NEB: variants seen among roughly 807,000 people sequenced by gnomAD.
NEB encodes the protein nemaline myopathy type 2.
NEB carries 512 observed loss-of-function variants against 952.2 expected under a neutral mutation model. The ratio of observed to expected loss-of-function variants is 0.54; its 90% CI spans 0.50 to 0.58. The LOEUF (loss-of-function observed/expected upper bound fraction) is 0.58. Among genes scored for constraint, NEB ranks in the 20% least tolerant of loss-of-function variants. The pLI is 0.00. For synonymous variants in NEB, 2,900 were observed against 3,149.8 expected (o/e 0.92, Z 2.66); for missense variants, 8,428 against 9,231.1 (o/e 0.91, Z 3.56).
rs528974814 is a variant in NEB, at chr2:151,618,317, C to T, written c.11034G>A (p.Pro3678=). The change falls in exon 74 of 182, where the codon CCG becomes CCA. Residue 3678 remains proline (P), a synonymous_variant. Transcript: ENST00000397345. Reference sequence around the variant, plus strand: ...CATTGTTTTTTGCCAGCACCTGCTCCGGAGTGTCCGTTATACTGGTAAATT... The same window carrying T: ...CATTGTTTTTTGCCAGCACCTGCTCTGGAGTGTCCGTTATACTGGTAAATT... ...TLKFTSITDT[P]EQVLAKNNAL... is the part of the protein sequence containing the mutation. The T allele has an allele frequency of 7.4e-5, 119 of 1,613,798 alleles. No homozygotes were observed. The highest frequency in any genetic ancestry group is 9.6e-5 in the Non-Finnish European group (113 of 1,179,858).
chr2:151,692,589 T>C (rs1339768932), intron 20 of NEB: 2 of 557,574 alleles, frequency 3.6e-6, no homozygotes, highest in East Asian at 6.5e-5. Flanking sequence ...TTTCCTAATA[T>C]TTTTTCAGAC....
intron 48 of NEB, among the ~76,000 whole-genome samples, chr2:151,657,144 G>T (rs2099094159): frequency 6.6e-6 from 1 of 152,150 alleles, no homozygotes; most frequent in South Asian, 2.1e-4. Flanking sequence ...GGGGGTAGAA[G>T]CTAGTAGAGC....
chr2:151,595,304 G>T (rs1339968488), intron 92 of NEB, among the ~76,000 whole-genome samples: 3 of 150,018 alleles, frequency 2.0e-5, no homozygotes, highest in Non-Finnish European at 4.5e-5. Flanking sequence ...AGGCTGGAAC[G>T]CAATGGCATG....
intron 47 of NEB, 132 bp downstream of exon 47, chr2:151,658,933 G>A: frequency 1.3e-6 from 1 of 791,192 alleles, no homozygotes; most frequent in Non-Finnish European, 2.2e-6. Flanking sequence ...ATTAGAAAGA[G>A]TCTCATGTGT....
intron 161 of NEB, among the ~76,000 whole-genome samples, chr2:151,509,285 A>G (rs1229565160): frequency 1.3e-5 from 2 of 151,970 alleles, no homozygotes; most frequent in African/African-American, 4.8e-5. Flanking sequence ...TTTGTTCATG[A>G]AAAAGTCACC....
Position 151,675,350 on chromosome 2 carries a change from G to A in NEB, c.3816C>T (p.Tyr1272=), listed in dbSNP as rs765183358. The part of the protein sequence containing the change: ...KAKGEDVKHK[Y]TMSPDLPQFL... ...ACTGAGGAAGATCAGGACTCATGGTGTATTTATGTTTCACATCTTCTCCTT... is the reference window on the plus strand; with the variant it reads ...ACTGAGGAAGATCAGGACTCATGGTATATTTATGTTTCACATCTTCTCCTT... Residue 1272 remains tyrosine (Y), a synonymous_variant, in exon 35 of 182, where the codon TAC becomes TAT. Transcript: ENST00000397345. 20 of 1,592,220 alleles carry A rather than the reference G, an allele frequency of 1.3e-5. No homozygotes were observed. Among genetic ancestry groups the A allele is most frequent in the Non-Finnish European group, 1.5e-5 (18 of 1,167,586 alleles).
chr2:151,569,469 A>G, intron 109 of NEB, 97 bp from the exon 110 acceptor site: 2 of 930,362 alleles, frequency 2.1e-6, no homozygotes. Flanking sequence ...TGTAAATGCT[A>G]TATAAGCCAA....
At chr2:151,571,237 C>T (rs1311843217) in intron 107 of NEB, among the ~76,000 whole-genome samples, 3 of 152,144 alleles carry the variant, frequency 2.0e-5, no homozygotes. Flanking sequence ...ACTCCTGACC[C>T]TCAGGTGATC....
At position 151,640,015 on chromosome 2, in the gene NEB, C is replaced by G; in HGVS notation, c.8731G>C (p.Val2911Leu). 1 of 1,613,950 alleles carries G rather than the reference C, an allele frequency of 6.2e-7. No homozygotes were observed. Among genetic ancestry groups the G allele is most frequent in the Non-Finnish European group, 8.5e-7 (1 of 1,179,848 alleles). The part of the protein sequence containing the change: ...DLQWMRGIGW[V>L]SIGSLDVEKC... ...TCCACATCCAAAGAGCCAATGGACA[C>G]CCAGCCAATGCCTCTCATCCACTGG... is the stretch of plus-strand genomic sequence containing the variant. The change falls in exon 62 of 182, where the codon GTG becomes CTG. Residue 2911 changes from valine to leucine, a missense_variant. By Grantham distance (32) the Val-to-Leu change is conservative (BLOSUM62 1). This residue lies in a region of NEB where 1,772 missense variants were observed against 1,960.3 expected (regional missense o/e 0.90). Coordinates refer to ENST00000397345, the MANE Select transcript of NEB (RefSeq NM_001164508.2).
At chr2:151,702,245 G>A (rs962929456) in intron 13 of NEB, among the ~76,000 whole-genome samples, 4 of 151,728 alleles carry the variant, frequency 2.6e-5, no homozygotes, top group Non-Finnish European at 5.9e-5. Flanking sequence ...TTGTTATAAT[G>A]TCTGTTCTTT....
chr2:151,566,881 T>G (rs1020245833), intron 114 of NEB, among the ~76,000 whole-genome samples: 4 of 152,170 alleles, frequency 2.6e-5, no homozygotes, highest in Non-Finnish European at 5.9e-5. Context: ...CTGATACTTT[T>G]CTATGTGAAT....
Position 151,492,257 on chromosome 2 carries a change from T to C in NEB, c.24898A>G (p.Lys8300Glu). The change falls in exon 178 of 182, where the codon AAA (lysine) becomes GAA (glutamate). Residue 8300 changes from lysine to glutamate, a missense_variant. Transcript: ENST00000397345. The stretch of plus-strand genomic sequence containing the variant: ...ACTGGTGTGAAGCAACCCTTGTGTT[T>C]CTCAAAGTCTTCATGATATTTCACC... ...STVKYHEDFE[K>E]HKGCFTPVVT... The C allele has an allele frequency of 6.2e-7, 1 of 1,613,084 alleles. No homozygotes were observed. The highest frequency in any genetic ancestry group is 2.2e-5 in the East Asian group (1 of 44,864).
intron 168 of NEB, 73 bp downstream of exon 168, chr2:151,501,318 G>T (rs1575220729): frequency 2.0e-6 from 2 of 994,526 alleles, no homozygotes; most frequent in East Asian, 2.6e-5. Context: ...ATAAAGGGAT[G>T]AACAGTGAGA....
chr2:151,677,446 A>C (rs1575979108), intron 34 of NEB, 119 bp downstream of exon 34: 1 of 768,192 alleles, frequency 1.3e-6, no homozygotes, highest in Non-Finnish European at 1.9e-6. Flanking sequence ...AAAATTAAAT[A>C]AACAAAATAA....
At chr2:151,708,501 C>G (rs2149961187) in intron 12 of NEB, among the ~76,000 whole-genome samples, 1 of 152,182 alleles carries the variant, frequency 6.6e-6, no homozygotes, top group East Asian at 1.9e-4. Context: ...TTTGCTTCTC[C>G]CTCATCTTAC....
chr2:151,682,733 C>A lies in NEB; in HGVS notation c.2872G>T (p.Gly958Cys). The A allele has an allele frequency of 6.2e-7, 1 of 1,613,420 alleles. No individual in the cohort carries two copies. Among genetic ancestry groups the A allele is most frequent in the Non-Finnish European group, 8.5e-7 (1 of 1,179,572 alleles). Residue 958 changes from glycine to cysteine, a missense_variant, in exon 29 of 182, where the codon GGT (glycine) becomes TGT (cysteine). Gly to Cys is a radical substitution (Grantham distance 159, BLOSUM62 -3). This residue lies in a region of NEB where 2,851 missense variants were observed against 2,791.5 expected (regional missense o/e 1.02). Transcript: ENST00000397345. ...GACCCAAAAGGCACCCAGCCACAAC[C>A]TTTCATCCAGCTATTGTAGTCAGCT... is the stretch of plus-strand genomic sequence containing the variant. ...YKADYNSWMK[G>C]CGWVPFGSLE... is the part of the protein sequence containing the mutation.
rs2094867190 is a variant in NEB, at chr2:151,547,548, AT to A, written c.20263-16del. 6.3e-7 allele frequency: 1 copy of A among 1,598,166 alleles called. No individual in the cohort carries two copies. The highest frequency in any genetic ancestry group is 8.5e-7 in the Non-Finnish European group (1 of 1,170,000). On this transcript the variant is annotated splice_polypyrimidine_tract_variant and intron_variant, in intron 132 of 181. Coordinates refer to ENST00000397345, the MANE Select transcript of NEB (RefSeq NM_001164508.2). ...TTGTAGATCAACTAAAGAAAAAAAA[AT>A]ACCCCAAAACATATGTATTAGAGAC... is the stretch of plus-strand genomic sequence containing the variant.
At chr2:151,510,046 T>C (rs2072877455) in intron 161 of NEB, among the ~76,000 whole-genome samples, 1 of 152,228 alleles carries the variant, frequency 6.6e-6, no homozygotes, top group South Asian at 2.1e-4. Context: ...TCTAAAGACA[T>C]AAGTGATTAA....
rs747759738 is a variant in NEB at position 151,646,253 on chromosome 2, A to T, written c.7432-19T>A. 6.6e-7 allele frequency: 1 copy of T among 1,521,610 alleles called. No homozygotes were observed. Among genetic ancestry groups the T allele is most frequent in the East Asian group, 2.4e-5 (1 of 41,552 alleles). The allele number at this position is 1,521,610 out of a possible 1,614,324, so 94.3% of individuals were successfully genotyped here. A position where few individuals can be genotyped will look rare whatever the true frequency, so the allele number is the denominator to read the frequency against. ...AAAGTCTCTAAAATAAGAAATAATA[A>T]TTTTTCAGTGGTGTTGTTAGATTAG... On this transcript the variant is annotated intron_variant, in intron 54 of 181. Coordinates refer to ENST00000397345, the MANE Select transcript of NEB (RefSeq NM_001164508.2).
Sources: allele counts gnomAD v4.1 joint callset (sites outside exome capture counted in the v4.1 genomes callset), GRCh38; gene constraint gnomAD v4.1.1; regional missense constraint gnomAD v4.1.1; transcripts MANE v1.5; gene names NCBI Gene and HGNC (gene_info 2026-07-23, HGNC 2026-07-21).